MAGI2: variants seen among roughly 807,000 people sequenced by gnomAD.
The protein encoded by MAGI2 is membrane associated guanylate kinase, WW and PDZ domain containing 2.
In MAGI2, 35 loss-of-function variants were observed where a neutral mutation model predicts 133.3. The observed-to-expected ratio is 0.26, with a 90% CI of 0.20 to 0.35. The LOEUF (loss-of-function observed/expected upper bound fraction) is 0.35, where lower values mean the gene tolerates loss of function less well. Ranked by LOEUF, MAGI2 falls within the 10% of genes least tolerant of loss-of-function variation. MAGI2 has a pLI of 1.00. For missense variants in MAGI2, 1,636 were observed against 1,863.4 expected (o/e 0.88, Z 2.25); for synonymous variants, 729 against 710.6 (o/e 1.03, Z -0.41).
chr7:79,319,141 T>C (rs1838978596), intron 1 of MAGI2, among the ~76,000 whole-genome samples: 1 of 152,144 alleles, frequency 6.6e-6, no homozygotes, highest in East Asian at 1.9e-4. Context: ...TTTCCTGACT[T>C]TCCTGCATTT....
At chr7:78,824,276 C>T (rs1203414688) in intron 2 of MAGI2, among the ~76,000 whole-genome samples, 5 of 152,092 alleles carry the variant, frequency 3.3e-5, no homozygotes, top group Admixed American at 2.6e-4. Flanking sequence ...ATTTATAATC[C>T]TCTGGGTATA....
chr7:79,366,671 C>T (rs191689690), intron 1 of MAGI2, among the ~76,000 whole-genome samples: 1 of 152,026 alleles, frequency 6.6e-6, no homozygotes, highest in Non-Finnish European at 1.5e-5. Flanking sequence ...AGGAAACTGG[C>T]AAATTAAACA....
At chr7:78,249,483 T>C (rs1004862823) in intron 10 of MAGI2, among the ~76,000 whole-genome samples, 3 of 151,444 alleles carry the variant, frequency 2.0e-5, no homozygotes, top group African/African-American at 4.9e-5. Flanking sequence ...GGATGAATGG[T>C]TAAAGAAAAT....
intron 1 of MAGI2, chr7:79,411,085 G>A (rs1215467881): frequency 2.6e-5 from 4 of 151,980 alleles, no homozygotes; most frequent in Non-Finnish European, 4.4e-5. Flanking sequence ...TATTGCATTC[G>A]GCCCACTAAT....
At position 78,019,858 on chromosome 7, in the gene MAGI2, G is replaced by A. The variant is rs1394864025; in HGVS notation, c.3825C>T (p.Asp1275=). Residue 1275 remains aspartate (D), a synonymous_variant, in exon 22 of 22, where the codon GAC becomes GAT. Coordinates refer to ENST00000354212, the MANE Select transcript of MAGI2 (RefSeq NM_012301.4). The part of the protein sequence containing the change: ...FSPSHPAPPS[D]PSHQISPGPT... ...GGCCTGGGCTTATCTGGTGGGAAGG[G>A]TCGGAGGGTGGGGCTGGATGTGATG... 2.5e-6 allele frequency: 4 copies of A among 1,613,384 alleles called. No homozygotes were observed. The African/African-American group carries it at 4.0e-5, about 16-fold the overall frequency.
At chr7:78,583,639 G>A (rs1354014451) in intron 3 of MAGI2, 1 of 152,114 alleles carries the variant, frequency 6.6e-6, no homozygotes, top group Non-Finnish European at 1.5e-5. Flanking sequence ...AGAGAACAAA[G>A]TGAAGGACAA....
intron 1 of MAGI2, among the ~76,000 whole-genome samples, chr7:79,342,732 T>G (rs1314231324): frequency 6.8e-6 from 1 of 146,360 alleles, no homozygotes; most frequent in Non-Finnish European, 1.5e-5. Context: ...GGAAGCACTT[T>G]ATCTTATTTT....
At chr7:78,291,226 G>T (rs996601361) in intron 9 of MAGI2, among the ~76,000 whole-genome samples, 1 of 151,988 alleles carries the variant, frequency 6.6e-6, no homozygotes, top group East Asian at 1.9e-4. Flanking sequence ...TCAAATAGAC[G>T]CAATAAAAAA....
chr7:78,784,620 C>CA (rs1358624877), intron 2 of MAGI2, among the ~76,000 whole-genome samples: 1 of 151,792 alleles, frequency 6.6e-6, no homozygotes, highest in Non-Finnish European at 1.5e-5. Flanking sequence ...TAACAGAGGC[C>CA]AAAAAAAATC....
At chr7:79,210,149 T>C (rs555185620) in intron 1 of MAGI2, among the ~76,000 whole-genome samples, 3 of 152,234 alleles carry the variant, frequency 2.0e-5, no homozygotes, top group African/African-American at 7.2e-5. Flanking sequence ...CCTGTTGGCA[T>C]AGAATGTGTA....
intron 2 of MAGI2, among the ~76,000 whole-genome samples, chr7:78,799,925 C>T (rs1787922819): frequency 1.3e-5 from 2 of 152,142 alleles, no homozygotes; most frequent in South Asian, 2.1e-4. Context: ...TGATGGAAAG[C>T]AGCATTTCTT....
At chr7:79,043,542 CAAAAAAAAAAAA>C (rs58828466) in intron 1 of MAGI2, among the ~76,000 whole-genome samples, 3 of 40,430 alleles carry the variant, frequency 7.4e-5, no homozygotes, top group African/African-American at 1.7e-4. Context: ...GACTCCATCA[CAAAAAAAAAAAA>C]AAAAAAAAAA....
chr7:78,266,705 G>C (rs1444039215), intron 9 of MAGI2, among the ~76,000 whole-genome samples: 1 of 151,900 alleles, frequency 6.6e-6, no homozygotes, highest in Non-Finnish European at 1.5e-5. Flanking sequence ...AGCCTCCCGA[G>C]TAGCTGGGAC....
chr7:79,355,386 A>C (rs1432238658), intron 1 of MAGI2, among the ~76,000 whole-genome samples: 1 of 152,242 alleles, frequency 6.6e-6, no homozygotes, highest in African/African-American at 2.4e-5. Context: ...AGAGAGTAGG[A>C]AAATTAAGGA....
intron 6 of MAGI2, among the ~76,000 whole-genome samples, chr7:78,434,748 T>C (rs969545910): frequency 7.9e-5 from 12 of 151,986 alleles, no homozygotes; most frequent in African/African-American, 2.7e-4. Flanking sequence ...ATTGGAGATA[T>C]AGAAAAATTG....
intron 10 of MAGI2, among the ~76,000 whole-genome samples, chr7:78,250,980 C>A (rs899717058): frequency 1.3e-5 from 2 of 152,162 alleles, no homozygotes; most frequent in Non-Finnish European, 1.5e-5. Context: ...ATTAAAAAAT[C>A]TTTAACAAAA....
In MAGI2 at chr7:79,403,804, T is replaced by C. The variant is rs80114864; in HGVS notation, c.301+49216A>G. ...TAAAGTAAGTACAAAGTAAATCTGATAAGTCAACATTAAATCCGACAGATG... is the reference window on the plus strand; with the variant it reads ...TAAAGTAAGTACAAAGTAAATCTGACAAGTCAACATTAAATCCGACAGATG... On this transcript the variant is annotated intron_variant, in intron 1 of 21. Transcript: ENST00000354212. Among the ~76,000 whole-genome samples, 1,335 of 152,276 alleles carry C rather than the reference T, an allele frequency of 8.8e-3. 12 individuals carry two copies. Among genetic ancestry groups the C allele is most frequent in the African/African-American group, 0.031 (1,280 of 41,558 alleles).
At chr7:79,155,045 G>A (rs1823631215) in intron 1 of MAGI2, among the ~76,000 whole-genome samples, 1 of 152,132 alleles carries the variant, frequency 6.6e-6, no homozygotes, top group South Asian at 2.1e-4. Flanking sequence ...GTCACAGTCT[G>A]TCTTCATTAT....
At chr7:78,354,162 C>T (rs1051653227) in intron 7 of MAGI2, among the ~76,000 whole-genome samples, 5 of 152,014 alleles carry the variant, frequency 3.3e-5, no homozygotes, top group African/African-American at 4.8e-5. Flanking sequence ...ATGTTCCATG[C>T]GTATGAAAAA....
Sources: gnomAD v4.1 joint callset for allele counts (sites outside exome capture counted in the v4.1 genomes callset) on GRCh38, gnomAD v4.1.1 for gene constraint, MANE v1.5 for transcripts, NCBI Gene and HGNC (gene_info 2026-07-23, HGNC 2026-07-21) for gene names.